EXOC6: variants seen among roughly 807,000 people sequenced by gnomAD.
EXOC6 encodes the protein exocyst complex component 6, also known as SEC15-like 1.
EXOC6 carries 60 observed loss-of-function variants against 112.5 expected under a neutral mutation model. The observed-to-expected ratio is 0.53, with a 90% CI of 0.43 to 0.66. The LOEUF (loss-of-function observed/expected upper bound fraction) is 0.66. Ranked by LOEUF, EXOC6 falls within the 30% of genes least tolerant of loss-of-function variation. EXOC6 has a pLI of 0.00. For synonymous variants in EXOC6, 295 were observed against 308.0 expected, an observed-to-expected ratio of 0.96 and a Z score of 0.44; for missense variants, 855 against 957.1, an observed-to-expected ratio of 0.89 and a Z score of 1.41.
At chr10:93,012,806 G>T (rs1333596395) in intron 19 of EXOC6, among the ~76,000 whole-genome samples, 1 of 152,030 alleles carries the variant, frequency 6.6e-6, no homozygotes, top group East Asian at 1.9e-4. Context: ...CAAGACAGGG[G>T]TGTTGCTTTA....
At chr10:92,891,288 A>T (rs988534771) in intron 1 of EXOC6, among the ~76,000 whole-genome samples, 1 of 152,182 alleles carries the variant, frequency 6.6e-6, no homozygotes, top group Non-Finnish European at 1.5e-5. Context: ...ATAAAAATTT[A>T]GCAGGTGTCA....
chr10:92,899,982 A>C (rs1252620592), intron 5 of EXOC6: 1 of 205,278 alleles, frequency 4.9e-6, no homozygotes, highest in Non-Finnish European at 9.8e-6. Context: ...GAGTGTAGGC[A>C]GTTATATTTT....
intron 4 of EXOC6, among the ~76,000 whole-genome samples, chr10:92,896,181 ATTTTTTTTTTTTTTTTTTTTT>A (rs58783356): frequency 5.9e-4 from 6 of 10,238 alleles, no homozygotes; most frequent in African/African-American, 4.2e-3. Flanking sequence ...ATATATATAT[ATTTTTTTTTTTTTTTTTTTTT>A]TTTTTTTTTT....
intron 18 of EXOC6, among the ~76,000 whole-genome samples, chr10:92,992,839 C>T (rs1294523053): frequency 2.0e-5 from 3 of 151,356 alleles, no homozygotes; most frequent in Non-Finnish European, 4.4e-5. Flanking sequence ...TTTAGGAGAG[C>T]TACAATTTAT....
At chr10:92,903,585 T>C (rs1442775984) in intron 5 of EXOC6, among the ~76,000 whole-genome samples, 2 of 151,996 alleles carry the variant, frequency 1.3e-5, no homozygotes, top group Non-Finnish European at 2.9e-5. Context: ...ATTTGGCTGT[T>C]TGTATGTTTT....
intron 20 of EXOC6, among the ~76,000 whole-genome samples, chr10:93,024,456 C>T (rs979598015): frequency 1.3e-5 from 2 of 152,174 alleles, no homozygotes; most frequent in Admixed American, 6.5e-5. Flanking sequence ...TTTGGAGACA[C>T]GGTTTCACTC....
In EXOC6 at chr10:92,970,785, A is replaced by G. The variant is rs143687754; in HGVS notation, c.1774-3268A>G. Among the ~76,000 whole-genome samples, 34 of 152,368 alleles carry G rather than the reference A, an allele frequency of 2.2e-4. No individual in the cohort carries two copies. The East Asian group carries it at 4.8e-3, about 22-fold the overall frequency. On this transcript the variant is annotated intron_variant, in intron 17 of 21. Coordinates refer to ENST00000260762, the MANE Select transcript of EXOC6 (RefSeq NM_019053.6). Reference sequence around the variant, plus strand: ...CTACTGTGAAGCCAGGCATGCAAATAGAAAGATGTCTATCAATAGTTGGTT... The same window carrying G: ...CTACTGTGAAGCCAGGCATGCAAATGGAAAGATGTCTATCAATAGTTGGTT...
In EXOC6 at chr10:92,909,478, C is replaced by G. The variant is rs1850620097; in HGVS notation, c.510C>G (p.Pro170=). The part of the protein sequence containing the change: ...TMEQLENVYF[P]WVSQYRFCQL... ...AACAATTAGAGAATGTGTACTTTCC[C>G]TGGGTTAGTCAATACCGGTTTTGTC... The change falls in exon 6 of 22, where the codon CCC becomes CCG. Residue 170 remains proline (P), a synonymous_variant. Coordinates refer to ENST00000260762, the MANE Select transcript of EXOC6 (RefSeq NM_019053.6). 3.1e-6 allele frequency: 5 copies of G among 1,613,384 alleles called. No individual in the cohort carries two copies. Among genetic ancestry groups the G allele is most frequent in the Non-Finnish European group, 4.2e-6 (5 of 1,179,692 alleles).
At chr10:92,837,107 C>CAT (rs1373778125) in intron 1 of EXOC6, among the ~76,000 whole-genome samples, 1 of 150,336 alleles carries the variant, frequency 6.7e-6, no homozygotes, top group African/African-American at 2.4e-5. Flanking sequence ...AACACACACA[C>CAT]ACACACACAC....
intron 18 of EXOC6, 97 bp from the exon 19 acceptor site, chr10:92,997,377 A>G (rs533774555): frequency 8.5e-7 from 1 of 1,181,124 alleles, no homozygotes; most frequent in East Asian, 2.6e-5. Flanking sequence ...AGCATAAGCA[A>G]CAAAAAGAAT....
At chr10:93,048,635 A>C (rs974462657) in intron 20 of EXOC6, among the ~76,000 whole-genome samples, 32 of 152,076 alleles carry the variant, frequency 2.1e-4, no homozygotes, top group South Asian at 1.2e-3. Context: ...ACACACCTGT[A>C]ATCCCAGCTA....
upstream of EXOC6, chr10:92,848,433 G>GCGCCCC: frequency 3.5e-6 from 3 of 855,808 alleles, no homozygotes; most frequent in Non-Finnish European, 4.3e-6. Flanking sequence ...CGGCCCGAGC[G>GCGCCCC]CCCCGCCCCC....
upstream of EXOC6, chr10:92,831,460 G>T (rs892361562): frequency 8.6e-6 from 5 of 579,542 alleles, no homozygotes; most frequent in African/African-American, 1.0e-4. Flanking sequence ...TCGAGTTGGA[G>T]TCTCACTCTG....
upstream of EXOC6, chr10:92,834,639 A>T: frequency 1.0e-6 from 1 of 957,922 alleles, no homozygotes; most frequent in South Asian, 1.9e-5. Context: ...AATCCTTCTA[A>T]TAATTATAAG....
At chr10:92,971,176 C>T (rs374267013) in intron 17 of EXOC6, among the ~76,000 whole-genome samples, 3 of 152,060 alleles carry the variant, frequency 2.0e-5, no homozygotes, top group African/African-American at 4.8e-5. Context: ...CTCAGCCTCC[C>T]GAGTAGCTGG....
chr10:92,832,553 C>T (rs1308524727), upstream of EXOC6, among the ~76,000 whole-genome samples: 1 of 152,192 alleles, frequency 6.6e-6, no homozygotes, highest in Non-Finnish European at 1.5e-5. Context: ...GCTGGGATTA[C>T]AGGTGTGAGC....
intron 17 of EXOC6, among the ~76,000 whole-genome samples, chr10:92,960,471 G>A (rs1391744682): frequency 6.6e-6 from 1 of 151,956 alleles, no homozygotes; most frequent in Non-Finnish European, 1.5e-5. Context: ...AAAACACTGT[G>A]AGTGAATCTG....
At chr10:92,919,420 A>G (rs1851304030) in intron 7 of EXOC6, among the ~76,000 whole-genome samples, 1 of 152,214 alleles carries the variant, frequency 6.6e-6, no homozygotes, top group Non-Finnish European at 1.5e-5. Context: ...ACTACATTTC[A>G]TCAATTGTAA....
Position 92,928,411 on chromosome 10 carries a change from C to T in EXOC6, c.961C>T (p.Gln321Ter), listed in dbSNP as rs1444565795. The T allele has an allele frequency of 6.2e-7, 1 of 1,601,928 alleles. No individual in the cohort carries two copies. The highest frequency in any genetic ancestry group is 8.5e-7 in the Non-Finnish European group (1 of 1,171,086). ...ACAAGCAAGACTGGTATTGCAACCC[C>T]AGTCGAATATGGTAAGTATGCGATA... ...KKQARLVLQP[Q>*]SNMHETVDGY... The change falls in exon 9 of 22, where the codon CAG (glutamine) becomes TAG (stop). Residue 321 changes from glutamine (Q) to a stop codon, truncating the protein, a stop_gained. Coordinates refer to ENST00000260762, the MANE Select transcript of EXOC6 (RefSeq NM_019053.6). LOFTEE classifies it high-confidence loss of function.
Sources: allele counts gnomAD v4.1 joint callset (sites outside exome capture counted in the v4.1 genomes callset), GRCh38; gene constraint gnomAD v4.1.1; transcripts MANE v1.5; gene names NCBI Gene and HGNC (gene_info 2026-07-23, HGNC 2026-07-21).